Variants in SLC22A15 observed in about 807,000 individuals in gnomAD.
SLC22A15 encodes solute carrier family 22 member 15.
In SLC22A15, 45 loss-of-function variants were observed where a neutral mutation model predicts 62.7. The ratio of observed to expected loss-of-function variants is 0.72; its 90% CI spans 0.56 to 0.92. The LOEUF (loss-of-function observed/expected upper bound fraction) is 0.92, where lower values mean the gene tolerates loss of function less well. Ranked by LOEUF, SLC22A15 falls within the 40% of genes least tolerant of loss-of-function variation. The probability of loss-of-function intolerance (pLI) is 0.00; values close to 1 mark genes in which losing one functional copy is unlikely to be tolerated. For synonymous variants in SLC22A15, 264 were observed against 267.0 expected (o/e 0.99, Z 0.11); for missense variants, 622 against 665.6 (o/e 0.93, Z 0.72).
intron 1 of SLC22A15, among the ~76,000 whole-genome samples, chr1:115,986,125 G>T (rs1302659068): frequency 6.6e-6 from 1 of 151,550 alleles, no homozygotes. Flanking sequence ...TTATAGGCAT[G>T]AGCCACCACA....
chr1:116,033,385 A>C, intron 6 of SLC22A15, among the ~76,000 whole-genome samples: 1 of 152,190 alleles, frequency 6.6e-6, no homozygotes, highest in East Asian at 1.9e-4. Flanking sequence ...TGACGAAGGC[A>C]ACTTGCAGAG....
intron 1 of SLC22A15, among the ~76,000 whole-genome samples, chr1:115,982,253 A>G (rs921325224): frequency 9.8e-5 from 15 of 152,354 alleles, no homozygotes; most frequent in South Asian, 8.3e-4. Flanking sequence ...ATGGGACATC[A>G]TATAGTACTC....
At chr1:116,039,538 T>TA (rs899747113) in intron 8 of SLC22A15, among the ~76,000 whole-genome samples, 18 of 150,758 alleles carry the variant, frequency 1.2e-4, no homozygotes, top group African/African-American at 2.4e-4. Flanking sequence ...TGTCTCAATT[T>TA]AAAAAAAAAG....
intron 8 of SLC22A15, among the ~76,000 whole-genome samples, chr1:116,043,426 A>C (rs1657845044): frequency 6.6e-6 from 1 of 152,148 alleles, no homozygotes; most frequent in Non-Finnish European, 1.5e-5. Flanking sequence ...ACTGTGTCTC[A>C]AAAAAATATA....
intron 2 of SLC22A15, 66 bp from the exon 3 acceptor site, chr1:116,019,516 G>A: frequency 1.4e-6 from 2 of 1,479,806 alleles, no homozygotes; most frequent in Non-Finnish European, 1.8e-6. Context: ...AGTTTTTGTT[G>A]CACATTTGGT....
rs888022318 is a variant in SLC22A15, at chr1:116,067,181, C to T, written c.*73C>T. 8 of 1,124,936 alleles carry T rather than the reference C, an allele frequency of 7.1e-6. No individual in the cohort carries two copies. The Admixed American group carries it at 1.6e-4, about 23-fold the overall frequency. 69.7% of individuals were successfully genotyped at this position (1,124,936 alleles called of 1,614,324 possible). A position where few individuals can be genotyped will look rare whatever the true frequency, so the allele number is the denominator to read the frequency against. On this transcript the variant is annotated 3_prime_UTR_variant, in exon 12 of 12. Coordinates refer to ENST00000369503, the MANE Select transcript of SLC22A15 (RefSeq NM_018420.3). ...CTGGCTAAGGCAGGTTCTTCCATGACTCCTAAGAGAGTTGTAAAAATAGAG... is the reference window on the plus strand; with the variant it reads ...CTGGCTAAGGCAGGTTCTTCCATGATTCCTAAGAGAGTTGTAAAAATAGAG...
intron 3 of SLC22A15, 94 bp from the exon 4 acceptor site, chr1:116,020,627 A>G: frequency 3.1e-5 from 33 of 1,065,796 alleles, no homozygotes; most frequent in Non-Finnish European, 4.1e-5. Flanking sequence ...TTAAGTTTAC[A>G]AACATTTATT....
chr1:116,057,464 G>T lies in SLC22A15; in HGVS notation c.1172-5298G>T, dbSNP rs537608078. Among the ~76,000 whole-genome samples the T allele has an allele frequency of 4.6e-5, 7 of 152,210 alleles. No individual in the cohort carries two copies. In the South Asian group the frequency reaches 1.2e-3, roughly 27 times the overall value. ...ACACTTTTACACTGTTGGTGGGACT[G>T]TAAACTAGTTCAACCATTGTGGAAG... On this transcript the variant is annotated intron_variant, in intron 8 of 11. Transcript: ENST00000369503.
chr1:116,012,447 C>T (rs1656318555), intron 2 of SLC22A15, among the ~76,000 whole-genome samples: 1 of 152,080 alleles, frequency 6.6e-6, no homozygotes, highest in African/African-American at 2.4e-5. Flanking sequence ...TCTCCTGATC[C>T]CTGTGCTCTA....
At chr1:116,003,481 G>A (rs1165476385) in intron 2 of SLC22A15, among the ~76,000 whole-genome samples, 1 of 152,176 alleles carries the variant, frequency 6.6e-6, no homozygotes. Context: ...GGTGGGACTA[G>A]CCAGAACTCA....
intron 3 of SLC22A15, 68 bp from the exon 4 acceptor site, chr1:116,020,653 T>A: frequency 8.2e-7 from 1 of 1,223,272 alleles, no homozygotes. Flanking sequence ...AGCTAATGAA[T>A]ATAATTTATT....
intron 6 of SLC22A15, chr1:116,031,785 C>T: frequency 2.1e-6 from 3 of 1,417,662 alleles, no homozygotes; most frequent in Non-Finnish European, 2.8e-6. Flanking sequence ...GATGATAGTG[C>T]CTGATGGGCA....
intron 4 of SLC22A15, among the ~76,000 whole-genome samples, chr1:116,024,272 G>A (rs1443829015): frequency 6.6e-6 from 1 of 152,076 alleles, no homozygotes; most frequent in Non-Finnish European, 1.5e-5. Context: ...GATGGGGAGA[G>A]CAAAATAACT....
At chr1:116,031,717 C>T in intron 6 of SLC22A15, 136 bp downstream of exon 6, 1 of 1,460,618 alleles carries the variant, frequency 6.8e-7, no homozygotes, top group Non-Finnish European at 9.0e-7. Flanking sequence ...AACAGCAAGT[C>T]TCCTGATCCT....
chr1:115,976,828 A>C (rs536161204), intron 1 of SLC22A15, 114 bp downstream of exon 1: 54 of 767,756 alleles, frequency 7.0e-5, no homozygotes, highest in African/African-American at 6.3e-4. Context: ...CTCTGCAAAC[A>C]CCGAGGTGTG....
At position 116,062,613 on chromosome 1, in the gene SLC22A15, C is replaced by T. The variant is rs989345419; in HGVS notation, c.1172-149C>T. ...AATAGATGCATGTGTTGTGTGATTA[C>T]TAAACCTTCTGAATGTGTATTTGGT... On this transcript the variant is annotated intron_variant, in intron 8 of 11. Transcript: ENST00000369503. 3.5e-6 allele frequency: 3 copies of T among 867,636 alleles called. No homozygotes were observed. In the Admixed American group the frequency reaches 7.2e-5, roughly 21 times the overall value. The allele number at this position is 867,636 out of a possible 1,614,324, so 53.7% of individuals were successfully genotyped here. A position where few individuals can be genotyped will look rare whatever the true frequency, so the allele number is the denominator to read the frequency against.
Position 116,035,187 on chromosome 1 carries a change from G to T in SLC22A15, c.945G>T (p.Trp315Cys). The T allele has an allele frequency of 6.2e-7, 1 of 1,609,298 alleles. No individual in the cohort carries two copies. Among genetic ancestry groups the T allele is most frequent in the Non-Finnish European group, 8.5e-7 (1 of 1,177,788 alleles). The change falls in exon 7 of 12, where the codon TGG becomes TGT. Residue 315 changes from tryptophan (W) to cysteine (C), a missense_variant and splice_region_variant. By Grantham distance (215) the Trp-to-Cys change is radical (BLOSUM62 -2). Transcript: ENST00000369503. Reference protein sequence around the residue: ...LGHTLILMFIWFVCSLVYYGL... With the variant: ...LGHTLILMFICFVCSLVYYGL... ...CTGGTCCTTTGACTCCCAATTGCAGGTTTGTGTGCAGCTTGGTGTATTATG... is the reference window on the plus strand; with the variant it reads ...CTGGTCCTTTGACTCCCAATTGCAGTTTTGTGTGCAGCTTGGTGTATTATG...
chr1:116,017,329 C>T (rs1396498773), intron 2 of SLC22A15: 1 of 137,254 alleles, frequency 7.3e-6, no homozygotes, highest in Non-Finnish European at 1.5e-5. Flanking sequence ...TGTGATGGCA[C>T]CACAGCACTC....
chr1:116,004,326 G>A (rs184585028), intron 2 of SLC22A15, among the ~76,000 whole-genome samples: 1 of 152,106 alleles, frequency 6.6e-6, no homozygotes, highest in East Asian at 1.9e-4. Flanking sequence ...GTGTTCCTGT[G>A]GGGAGGATGA....
Sources: gnomAD v4.1 joint callset for allele counts (sites outside exome capture counted in the v4.1 genomes callset) on GRCh38, gnomAD v4.1.1 for gene constraint, MANE v1.5 for transcripts, NCBI Gene and HGNC (gene_info 2026-07-23, HGNC 2026-07-21) for gene names.